The following VCL variants were observed in gnomAD, a reference collection of about 807,000 sequenced individuals.
VCL encodes the protein vinculin.
A neutral mutation model predicts 125.7 loss-of-function variants in VCL; 47 were observed. The observed-to-expected ratio is 0.37, with a 90% CI of 0.30 to 0.48. The LOEUF is 0.48. VCL is among the 20% of genes least tolerant of loss of function. VCL has a pLI of 0.99. For synonymous variants in VCL, 458 were observed against 514.6 expected, an observed-to-expected ratio of 0.89 and a Z score of 1.49; for missense variants, 1,069 against 1,455.5, an observed-to-expected ratio of 0.73 and a Z score of 4.32.
At chr10:73,998,753 T>C (rs1840166790) in intron 1 of VCL, among the ~76,000 whole-genome samples, 1 of 152,210 alleles carries the variant, frequency 6.6e-6, no homozygotes, top group Non-Finnish European at 1.5e-5. Flanking sequence ...CGCCCCCACG[T>C]TGACTTCCTC....
At position 74,071,201 on chromosome 10, in the gene VCL, G is replaced by A. The variant is rs1841658869; in HGVS notation, c.499+118G>A. On this transcript the variant is annotated intron_variant, in intron 4 of 21. Transcript: ENST00000211998. This position sits in a 1 kb window ranked among gnomAD's most constrained non-coding sequence, Gnocchi z 4.1. ...TAGGTGAAGATGCATTGGGCTTTCA[G>A]GTGTCTGCTCTGTTGATGGAGATGA... 4 of 883,674 alleles carry A rather than the reference G, an allele frequency of 4.5e-6. No homozygotes were observed. Among genetic ancestry groups the A allele is most frequent in the South Asian group, 2.8e-5 (2 of 71,454 alleles). 54.7% of individuals were successfully genotyped at this position (883,674 alleles called of 1,614,324 possible).
intron 1 of VCL, among the ~76,000 whole-genome samples, chr10:74,021,609 T>C (rs1174113426): frequency 6.6e-6 from 1 of 152,208 alleles, no homozygotes; most frequent in Non-Finnish European, 1.5e-5. Flanking sequence ...GATTGCCACA[T>C]TTCAACTGAC....
At chr10:74,009,574 T>C (rs1477560964) in intron 1 of VCL, among the ~76,000 whole-genome samples, 4 of 151,796 alleles carry the variant, frequency 2.6e-5, no homozygotes, top group South Asian at 4.2e-4. Context: ...TCTGTTTCTA[T>C]TGGGAATTGT....
chr10:74,018,166 GATATATATAGGATATATAT>G (rs985293549), intron 1 of VCL, among the ~76,000 whole-genome samples: 1,452 of 65,376 alleles, frequency 0.022, 41 homozygotes, highest in African/African-American at 0.065. Context: ...AAAATGTGAG[GATATATATAGGATATATAT>G]ATATATATAT....
chr10:74,096,083 TC>T (rs1839963695), intron 12 of VCL, among the ~76,000 whole-genome samples: 1 of 152,152 alleles, frequency 6.6e-6, no homozygotes, highest in Non-Finnish European at 1.5e-5. Context: ...AAGAGCCCTT[TC>T]GTGATTTTTG....
chr10:74,112,308 AT>A (rs1363792888), intron 19 of VCL, among the ~76,000 whole-genome samples, 196 bp downstream of exon 19: 1 of 151,972 alleles, frequency 6.6e-6, no homozygotes, highest in African/African-American at 2.4e-5. Flanking sequence ...ATTGGACTGC[AT>A]TTATGTTTAG....
intron 5 of VCL, among the ~76,000 whole-genome samples, chr10:74,074,399 G>A (rs973497703): frequency 1.3e-5 from 2 of 152,158 alleles, no homozygotes; most frequent in African/African-American, 4.8e-5. Context: ...TGTCCCATTA[G>A]GTTTGTAGTA....
Position 74,114,289 on chromosome 10 carries a change from G to A in VCL, c.3055G>A (p.Ala1019Thr), listed in dbSNP as rs1840275873. 6.2e-7 allele frequency: 1 copy of A among 1,614,146 alleles called. No individual in the cohort carries two copies. The highest frequency in any genetic ancestry group is 8.5e-7 in the Non-Finnish European group (1 of 1,180,044). ...TACCAAGCGGGCACTCATTCAGTGTGCCAAGGACATCGCCAAGGCCTCAGA... is the reference window on the plus strand; with the variant it reads ...TACCAAGCGGGCACTCATTCAGTGTACCAAGGACATCGCCAAGGCCTCAGA... The part of the protein sequence containing the change: ...SGTKRALIQC[A>T]KDIAKASDEV... Residue 1019 changes from alanine to threonine, a missense_variant, in exon 20 of 22, where the codon GCC (alanine) becomes ACC (threonine). Ala to Thr is a moderately conservative substitution (Grantham distance 58). Coordinates refer to ENST00000211998, the MANE Select transcript of VCL (RefSeq NM_014000.3).
At chr10:74,010,006 C>G (rs1319552783) in intron 1 of VCL, among the ~76,000 whole-genome samples, 1 of 152,044 alleles carries the variant, frequency 6.6e-6, no homozygotes, top group African/African-American at 2.4e-5. Context: ...CTCACTGCAA[C>G]CTCTGCCTCC....
At chr10:74,059,679 A>C (rs1841446982) in intron 2 of VCL, among the ~76,000 whole-genome samples, 1 of 152,156 alleles carries the variant, frequency 6.6e-6, no homozygotes, top group Admixed American at 6.5e-5. Context: ...TGTTGGGATT[A>C]CAGGTGTGAG....
chr10:74,089,411 A>G, intron 9 of VCL, 62 bp downstream of exon 9: 1 of 1,602,518 alleles, frequency 6.2e-7, no homozygotes, highest in East Asian at 2.2e-5. Context: ...AGTCATAAAT[A>G]TCCTATCTTT....
chr10:74,008,099 C>T (rs563195232), intron 1 of VCL, among the ~76,000 whole-genome samples: 171 of 152,222 alleles, frequency 1.1e-3, no homozygotes, highest in African/African-American at 3.7e-3. Flanking sequence ...CCACCGCGCC[C>T]GGCCTAAATT....
Position 74,107,339 on chromosome 10 carries a change from C to T in VCL, c.2544C>T (p.Asp848=). 2 of 1,614,174 alleles carry T rather than the reference C, an allele frequency of 1.2e-6. No individual in the cohort carries two copies. The highest frequency in any genetic ancestry group is 1.1e-5 in the South Asian group (1 of 91,078). Residue 848 remains aspartate (D), a synonymous_variant, in exon 17 of 22, where the codon GAC becomes GAT. Transcript: ENST00000211998. ...QEPDFPPPPP[D]LEQLRLTDEL... ...CTGACTTCCCGCCGCCTCCACCAGA[C>T]CTTGAACAACTCCGAGTAAGTAAAT...
At chr10:74,053,448 CT>C (rs1370806343) in intron 2 of VCL, among the ~76,000 whole-genome samples, 1 of 151,934 alleles carries the variant, frequency 6.6e-6, no homozygotes, top group Non-Finnish European at 1.5e-5. Flanking sequence ...TGCCTTTTGT[CT>C]TTTTTTCTTA....
At chr10:74,091,725 G>GTTGCA (rs1839888031) in intron 10 of VCL, among the ~76,000 whole-genome samples, 1 of 137,458 alleles carries the variant, frequency 7.3e-6, no homozygotes, top group Non-Finnish European at 1.5e-5. Flanking sequence ...GGAAGTGGAG[G>GTTGCA]TTGCATTGAG....
chr10:74,035,079 T>A (rs79424913), intron 1 of VCL, among the ~76,000 whole-genome samples: 4,313 of 152,268 alleles, frequency 0.028, 209 homozygotes, highest in African/African-American at 0.098. Context: ...TCCTACCACA[T>A]TTTTAATGTA....
chr10:74,031,410 T>TA (rs1564512979), intron 1 of VCL, among the ~76,000 whole-genome samples: 2 of 152,100 alleles, frequency 1.3e-5, no homozygotes, highest in East Asian at 1.9e-4. Context: ...TTCTCCAGTT[T>TA]AAAAAAAATG....
chr10:74,021,775 T>C (rs533481513), intron 1 of VCL, among the ~76,000 whole-genome samples: 1 of 152,342 alleles, frequency 6.6e-6, no homozygotes, highest in South Asian at 2.1e-4. Flanking sequence ...TTTTTCTCCT[T>C]CTTGTCTAGA....
At chr10:74,011,165 C>CAAA (rs71021585) in intron 1 of VCL, among the ~76,000 whole-genome samples, 4 of 52,296 alleles carry the variant, frequency 7.6e-5, no homozygotes, top group African/African-American at 1.5e-4. Flanking sequence ...AACTCTATCT[C>CAAA]AAAAAAAAAA....
Sources: gnomAD v4.1 joint callset for allele counts (sites outside exome capture counted in the v4.1 genomes callset) on GRCh38, gnomAD v4.1.1 for gene constraint, Gnocchi (gnomAD v3.1) non-coding constraint, MANE v1.5 for transcripts, NCBI Gene and HGNC (gene_info 2026-07-23, HGNC 2026-07-21) for gene names.